NACC2: variants seen among roughly 807,000 people sequenced by gnomAD.
NACC2 encodes the protein nucleus accumbens-associated protein 2.
NACC2 carries 8 observed loss-of-function variants against 25.1 expected under a neutral mutation model. The observed-to-expected ratio is 0.32, with a 90% confidence interval of 0.19 to 0.57. The LOEUF is 0.57. Among genes scored for constraint, NACC2 ranks in the 20% least tolerant of loss-of-function variants. The pLI is 0.89. For synonymous variants in NACC2, 435 were observed against 294.7 expected (o/e 1.48, Z -4.88); for missense variants, 644 against 650.2 (o/e 0.99, Z 0.10).
chr9:136,006,693 T>G lies in NACC2; in HGVS notation c.*4823A>C, dbSNP rs149176311. Reference sequence around the variant, plus strand: ...GGTTTCCCTGTTCGCTTTTGAATGTTTCAGTTTTAGTTATTGATACAATGT... The same window carrying G: ...GGTTTCCCTGTTCGCTTTTGAATGTGTCAGTTTTAGTTATTGATACAATGT... On this transcript the variant is annotated 3_prime_UTR_variant, in exon 6 of 6. Transcript: ENST00000277554. 3.0e-4 allele frequency: 45 copies of G among 152,376 alleles called. No individual in the cohort carries two copies. In the East Asian group the frequency reaches 7.3e-3, roughly 25 times the overall value. The allele number at this position is 152,376 out of a possible 1,614,324, so 9.4% of individuals were successfully genotyped here.
In NACC2 at chr9:136,022,297, G is replaced by C. The variant is rs994501680; in HGVS notation, c.887-5868C>G. 6.6e-6 allele frequency among the ~76,000 whole-genome samples: 1 copy of C among 152,162 alleles called. No individual in the cohort carries two copies. Among genetic ancestry groups the C allele is most frequent in the Non-Finnish European group, 1.5e-5 (1 of 68,016 alleles). Reference sequence around the variant, plus strand: ...GGGTGCCCCACATGCAGTGGGCCTCGGGGAGATGACCACACTCTCCACATG... The same window carrying C: ...GGGTGCCCCACATGCAGTGGGCCTCCGGGAGATGACCACACTCTCCACATG... On this transcript the variant is annotated intron_variant, in intron 2 of 5. Transcript: ENST00000277554. The surrounding 1 kb of genome is among the most constrained non-coding windows in gnomAD (Gnocchi z 4.4).
intron 2 of NACC2, among the ~76,000 whole-genome samples, chr9:136,017,119 G>T (rs530919152): frequency 6.6e-6 from 1 of 152,134 alleles, no homozygotes; most frequent in African/African-American, 2.4e-5. Flanking sequence ...TGGCCGACAC[G>T]CCACCGCCAC....
At chr9:136,027,943 CAA>C (rs1840418099) in intron 2 of NACC2, among the ~76,000 whole-genome samples, 1 of 152,016 alleles carries the variant, frequency 6.6e-6, no homozygotes, top group African/African-American at 2.4e-5. Context: ...CAAGTCTGAA[CAA>C]AGAGAAAAAG....
chr9:136,049,104 G>A (rs961567167), intron 2 of NACC2, among the ~76,000 whole-genome samples: 61 of 152,346 alleles, frequency 4.0e-4, no homozygotes, highest in African/African-American at 1.4e-3. Context: ...GGCCCAGGAC[G>A]GGGAGCAGCC....
intron 1 of NACC2, among the ~76,000 whole-genome samples, chr9:136,076,263 G>A (rs959051698): frequency 1.3e-5 from 2 of 152,192 alleles, no homozygotes; most frequent in African/African-American, 4.8e-5. Flanking sequence ...AAGAAGTGCT[G>A]TAACTAACCC....
intron 1 of NACC2, among the ~76,000 whole-genome samples, chr9:136,082,250 C>T (rs533906191): frequency 1.9e-4 from 29 of 152,310 alleles, no homozygotes; most frequent in African/African-American, 6.0e-4. Context: ...GGCCACGCCA[C>T]GGCCTGATGG....
At chr9:136,051,480 A>AG (rs964414341) in intron 1 of NACC2, among the ~76,000 whole-genome samples, 1 of 152,034 alleles carries the variant, frequency 6.6e-6, no homozygotes, top group Non-Finnish European at 1.5e-5. Flanking sequence ...GGAGCTGGGG[A>AG]GGGCGCCGCT....
At position 136,086,085 on chromosome 9, in the gene NACC2, C is replaced by T. The variant is rs368672274; in HGVS notation, c.-60+9104G>A. On this transcript the variant is annotated intron_variant, in intron 1 of 5. Transcript: ENST00000277554. This position sits in a 1 kb window ranked among gnomAD's most constrained non-coding sequence, Gnocchi z 5.6. ...CAGGGCAGCTCCGACGGGCAGGAGCCGCCTCCAGGCCCTTCACCTCGGGCT... is the reference window on the plus strand; with the variant it reads ...CAGGGCAGCTCCGACGGGCAGGAGCTGCCTCCAGGCCCTTCACCTCGGGCT... Among the ~76,000 whole-genome samples, 5 of 152,220 alleles carry T rather than the reference C, an allele frequency of 3.3e-5. No homozygotes were observed. The highest frequency in any genetic ancestry group is 2.0e-4 in the Admixed American group (3 of 15,290).
At chr9:136,040,074 A>G (rs976603570) in intron 2 of NACC2, among the ~76,000 whole-genome samples, 17 of 152,198 alleles carry the variant, frequency 1.1e-4, no homozygotes, top group Non-Finnish European at 1.5e-4. Flanking sequence ...AGCTGGGCAC[A>G]GGGGCTCACT....
At chr9:136,034,338 G>A (rs1437958057) in intron 2 of NACC2, among the ~76,000 whole-genome samples, 1 of 152,040 alleles carries the variant, frequency 6.6e-6, no homozygotes, top group Non-Finnish European at 1.5e-5. Context: ...TCGTAAGAGA[G>A]TCCGAATCTT....
chr9:136,059,705 T>C (rs1235341038), intron 1 of NACC2, among the ~76,000 whole-genome samples: 1 of 152,164 alleles, frequency 6.6e-6, no homozygotes, highest in Admixed American at 6.5e-5. Flanking sequence ...CTCTCCACCA[T>C]GACAAGGACG....
chr9:136,049,833 G>C lies in NACC2; in HGVS notation c.689C>G (p.Ala230Gly). 1 of 714,978 alleles carries C rather than the reference G, an allele frequency of 1.4e-6. No homozygotes were observed. Among genetic ancestry groups the C allele is most frequent in the South Asian group, 1.5e-5 (1 of 68,128 alleles). 44.3% of individuals were successfully genotyped at this position (714,978 alleles called of 1,614,324 possible). A position where few individuals can be genotyped will look rare whatever the true frequency, so the allele number is the denominator to read the frequency against. Residue 230 changes from alanine to glycine, a missense_variant, in exon 2 of 6, where the codon GCC (alanine) becomes GGC (glycine). Physicochemically the swap from Ala to Gly is moderately conservative, Grantham distance 60. Coordinates refer to ENST00000277554, the MANE Select transcript of NACC2 (RefSeq NM_144653.5). ...CTGCTGGATGCCGGGGATGAGGGTG[G>C]CCAGGCTGGGCACCCCGTAGTAGGA... ...RVSYYGVPSL[A>G]TLIPGIQQMP...
At chr9:136,054,051 T>C (rs1840887547) in intron 1 of NACC2, among the ~76,000 whole-genome samples, 1 of 152,212 alleles carries the variant, frequency 6.6e-6, no homozygotes, top group Non-Finnish European at 1.5e-5. Context: ...GGTTATGATT[T>C]ACCCTCAGAT....
rs564014943 is a variant in NACC2, at chr9:136,067,459, G to A, written c.-59-16879C>T. 3.3e-5 allele frequency among the ~76,000 whole-genome samples: 5 copies of A among 152,248 alleles called. No homozygotes were observed. The East Asian group carries it at 9.7e-4, about 29-fold the overall frequency. On this transcript the variant is annotated intron_variant, in intron 1 of 5. Coordinates refer to ENST00000277554, the MANE Select transcript of NACC2 (RefSeq NM_144653.5). Reference sequence around the variant, plus strand: ...GATTAACGACGGGGATATATCCTGAGAAATGCATCATTAGGTGATTTTGTT... The same window carrying A: ...GATTAACGACGGGGATATATCCTGAAAAATGCATCATTAGGTGATTTTGTT...
rs534120629 is a variant in NACC2, at chr9:136,075,574, T to G, written c.-60+19615A>C. On this transcript the variant is annotated intron_variant, in intron 1 of 5. Coordinates refer to ENST00000277554, the MANE Select transcript of NACC2 (RefSeq NM_144653.5). ...GTCGTGCCTGAGGACGCATCTTCTTTTATCGGGCATAGGCCCACATTCAGG... is the reference window on the plus strand; with the variant it reads ...GTCGTGCCTGAGGACGCATCTTCTTGTATCGGGCATAGGCCCACATTCAGG... Among the ~76,000 whole-genome samples, 260 of 152,352 alleles carry G rather than the reference T, an allele frequency of 1.7e-3. 1 individual carries two copies. The highest frequency in any genetic ancestry group is 5.2e-3 in the South Asian group (25 of 4,832).
chr9:136,092,052 C>A (rs1246765701), intron 1 of NACC2, among the ~76,000 whole-genome samples: 1 of 152,138 alleles, frequency 6.6e-6, no homozygotes, highest in African/African-American at 2.4e-5. Flanking sequence ...GATTAGGGGG[C>A]GCCTCAGGGA....
chr9:136,029,594 G>C (rs1359110530), intron 2 of NACC2, among the ~76,000 whole-genome samples: 1 of 152,242 alleles, frequency 6.6e-6, no homozygotes. Flanking sequence ...CCCAGACCCA[G>C]GAGGTCCGTG....
intron 1 of NACC2, among the ~76,000 whole-genome samples, chr9:136,074,141 A>C (rs1394370734): frequency 6.6e-6 from 1 of 151,958 alleles, no homozygotes; most frequent in Admixed American, 6.6e-5. Flanking sequence ...GTCTCCACAA[A>C]TAATTTGTTA....
In NACC2 at chr9:136,011,792, G is replaced by A. The variant is rs377510894; in HGVS notation, c.1488C>T (p.Tyr496=). The A allele has an allele frequency of 7.7e-5, 121 of 1,577,836 alleles. No individual in the cohort carries two copies. The highest frequency in any genetic ancestry group is 9.2e-5 in the South Asian group (8 of 87,392). Residue 496 remains tyrosine (Y), a synonymous_variant, in exon 6 of 6, where the codon TAC becomes TAT. Transcript: ENST00000277554. The part of the protein sequence containing the change: ...AAAQVFEQRI[Y]AERRGDAATI... ...TGGCGGCGTCGCCCCGCCGCTCGGC[G>A]TAGATGCGTTGCTCGAACACCTGTG...
Sources: allele counts gnomAD v4.1 joint callset (sites outside exome capture counted in the v4.1 genomes callset), GRCh38; gene constraint gnomAD v4.1.1; non-coding constraint Gnocchi (gnomAD v3.1); transcripts MANE v1.5; gene names NCBI Gene and HGNC (gene_info 2026-07-23, HGNC 2026-07-21).